ANKRD28: variants seen among roughly 807,000 people sequenced by gnomAD.
ANKRD28 encodes serine/threonine-protein phosphatase 6 regulatory ankyrin repeat subunit A.
ANKRD28 carries 44 observed loss-of-function variants against 126.5 expected under a neutral mutation model. The observed-to-expected ratio is 0.35, with a 90% CI of 0.27 to 0.45. The LOEUF is 0.45. Ranked by LOEUF, ANKRD28 falls within the 20% of genes least tolerant of loss-of-function variation. The pLI is 1.00. For missense variants in ANKRD28, 1,110 were observed against 1,316.6 expected, an observed-to-expected ratio of 0.84 and a Z score of 2.43; for synonymous variants, 442 against 468.5, an observed-to-expected ratio of 0.94 and a Z score of 0.73.
At chr3:15,701,070 C>T (rs567463437) in intron 14 of ANKRD28, among the ~76,000 whole-genome samples, 2 of 152,140 alleles carry the variant, frequency 1.3e-5, no homozygotes, top group South Asian at 4.2e-4. Flanking sequence ...TAAAAGTTTC[C>T]AAAATCACAC....
intron 16 of ANKRD28, 89 bp downstream of exon 16, chr3:15,695,099 C>T: frequency 1.9e-6 from 2 of 1,063,748 alleles, no homozygotes; most frequent in South Asian, 1.4e-5. Flanking sequence ...AAAACACTTT[C>T]AGCTCTAATG....
At chr3:15,688,716 TAG>T (rs1227446497) in intron 18 of ANKRD28, among the ~76,000 whole-genome samples, 1 of 152,128 alleles carries the variant, frequency 6.6e-6, no homozygotes, top group African/African-American at 2.4e-5. Context: ...TCTATAAAAA[TAG>T]AGAGTTGTGA....
intron 1 of ANKRD28, among the ~76,000 whole-genome samples, chr3:15,808,603 C>T (rs548697708): frequency 6.6e-6 from 1 of 152,306 alleles, no homozygotes; most frequent in African/African-American, 2.4e-5. Context: ...CTTGTAGTTG[C>T]AGAGGAAAAG....
chr3:15,837,071 G>A (rs1400667688), intron 1 of ANKRD28, among the ~76,000 whole-genome samples: 1 of 142,458 alleles, frequency 7.0e-6, no homozygotes, highest in African/African-American at 2.6e-5. Flanking sequence ...CTGCACTCCA[G>A]CCTGGGCAAC....
chr3:15,688,596 G>A (rs1323435145), intron 18 of ANKRD28, among the ~76,000 whole-genome samples: 1 of 152,198 alleles, frequency 6.6e-6, no homozygotes, highest in South Asian at 2.1e-4. Flanking sequence ...TTTGAAGGGC[G>A]GCTCTGGGAG....
At chr3:15,824,597 T>G (rs2061018585) in intron 1 of ANKRD28, among the ~76,000 whole-genome samples, 1 of 152,254 alleles carries the variant, frequency 6.6e-6, no homozygotes, top group South Asian at 2.1e-4. Context: ...AAAGCAATTC[T>G]ATTTAGCATC....
intron 1 of ANKRD28, among the ~76,000 whole-genome samples, chr3:15,850,650 C>T (rs1255188946): frequency 2.0e-5 from 3 of 152,306 alleles, no homozygotes; most frequent in African/African-American, 7.2e-5. Context: ...ACGGAGATTC[C>T]TGGACAGTGG....
upstream of ANKRD28, among the ~76,000 whole-genome samples, chr3:15,799,799 A>G (rs2060423228): frequency 6.6e-6 from 1 of 151,928 alleles, no homozygotes; most frequent in Admixed American, 6.6e-5. Context: ...CCAACCAGAA[A>G]ACAAACTCCT....
exon 1 of ANKRD28, chr3:15,859,488 A>T (rs2061858661): frequency 5.4e-6 from 7 of 1,302,938 alleles, no homozygotes; most frequent in Non-Finnish European, 7.3e-6. Context: ...CTCCCGCCCC[A>T]GTAGCCTTGG....
intron 1 of ANKRD28, among the ~76,000 whole-genome samples, chr3:15,847,688 T>A (rs1171283148): frequency 6.6e-6 from 1 of 152,244 alleles, no homozygotes; most frequent in Non-Finnish European, 1.5e-5. Flanking sequence ...CTATCAATTT[T>A]ACATCCTAAG....
At chr3:15,740,272 A>T (rs2075356187) in intron 4 of ANKRD28, among the ~76,000 whole-genome samples, 3 of 152,172 alleles carry the variant, frequency 2.0e-5, no homozygotes, top group Admixed American at 1.3e-4. Context: ...GGGTAACAGA[A>T]ATCTTCTATA....
intron 2 of ANKRD28, among the ~76,000 whole-genome samples, chr3:15,772,755 C>A (rs1004480991): frequency 2.6e-5 from 4 of 152,102 alleles, no homozygotes; most frequent in African/African-American, 9.7e-5. Flanking sequence ...GGCGCGATCT[C>A]GGCTCACTGC....
chr3:15,793,338 T>C (rs1377958323), intron 2 of ANKRD28, among the ~76,000 whole-genome samples: 1 of 152,078 alleles, frequency 6.6e-6, no homozygotes, highest in Non-Finnish European at 1.5e-5. Flanking sequence ...TAAGAAAGGG[T>C]CACGAGAGAA....
intron 17 of ANKRD28, among the ~76,000 whole-genome samples, chr3:15,693,059 T>C (rs1048140668): frequency 4.6e-5 from 7 of 152,132 alleles, no homozygotes; most frequent in African/African-American, 1.4e-4. Flanking sequence ...GTCAAATTCA[T>C]AGGAACAGAA....
At chr3:15,710,007 G>A (rs991645957) in intron 12 of ANKRD28, among the ~76,000 whole-genome samples, 2 of 150,178 alleles carry the variant, frequency 1.3e-5, no homozygotes, top group African/African-American at 4.9e-5. Flanking sequence ...GAGATTCTGA[G>A]GAGGCTTTAG....
rs2061462379 is a variant in ANKRD28, at chr3:15,843,408, G to C, written c.27+15969C>G. ...ACACACATCCAAACTCTATCACCTG[G>C]TTTTGCCCCATCTGAGCATCAGAAT... On this transcript the variant is annotated intron_variant, in intron 1 of 27. Transcript: ENST00000399451. This position sits in a 1 kb window ranked among gnomAD's most constrained non-coding sequence, Gnocchi z 5.2. Among the ~76,000 whole-genome samples the C allele has an allele frequency of 6.6e-6, 1 of 152,094 alleles. No homozygotes were observed. The highest frequency in any genetic ancestry group is 1.5e-5 in the Non-Finnish European group (1 of 68,024).
At chr3:15,677,166 T>A in intron 25 of ANKRD28, 110 bp from the exon 26 acceptor site, 1 of 840,452 alleles carries the variant, frequency 1.2e-6, no homozygotes, top group African/African-American at 1.7e-5. Flanking sequence ...ACCATACATA[T>A]ACCATGAATT....
intron 3 of ANKRD28, among the ~76,000 whole-genome samples, chr3:15,762,808 T>A (rs1280568201): frequency 1.3e-5 from 2 of 152,210 alleles, no homozygotes; most frequent in Non-Finnish European, 2.9e-5. Flanking sequence ...GCCAGGGACT[T>A]TTCTAGGTAT....
chr3:15,758,753 C>T (rs534822083), intron 3 of ANKRD28, among the ~76,000 whole-genome samples: 6 of 152,274 alleles, frequency 3.9e-5, no homozygotes, highest in African/African-American at 1.4e-4. Flanking sequence ...GTTTAAGCCG[C>T]CCAGTTTGTA....
Sources: allele counts gnomAD v4.1 joint callset (sites outside exome capture counted in the v4.1 genomes callset), GRCh38; gene constraint gnomAD v4.1.1; non-coding constraint Gnocchi (gnomAD v3.1); transcripts MANE v1.5; gene names NCBI Gene and HGNC (gene_info 2026-07-23, HGNC 2026-07-21).